Variants in ENOX2 observed in about 807,000 individuals in gnomAD.
ENOX2 encodes the protein APK1 antigen.
Under a neutral mutation model 45.0 loss-of-function variants are expected in ENOX2, and 36 were observed. The observed-to-expected ratio is 0.80, with a 90% CI of 0.61 to 1.06. The LOEUF is 1.06. Among genes scored for constraint, ENOX2 ranks in the 50% least tolerant of loss-of-function variants. ENOX2 has a pLI of 0.00. For missense variants in ENOX2, 423 were observed against 462.5 expected (o/e 0.91, Z 0.78); for synonymous variants, 174 against 152.3 (o/e 1.14, Z -1.05).
intron 2 of ENOX2, among the ~76,000 whole-genome samples, chrX:130,822,648 G>A (rs1463397713): frequency 9.1e-6 from 1 of 110,245 alleles, no homozygotes; most frequent in Non-Finnish European, 1.9e-5. Flanking sequence ...GAGGGGGAAG[G>A]GATAGCATTA....
At chrX:130,900,073 TC>T in intron 2 of ENOX2, among the ~76,000 whole-genome samples, 1 of 112,099 alleles carries the variant, frequency 8.9e-6, no homozygotes, top group East Asian at 2.8e-4. Context: ...ACTGTATCCT[TC>T]CCACTGTCAT....
intron 3 of ENOX2, among the ~76,000 whole-genome samples, chrX:130,707,676 G>A (rs1339467674): frequency 2.7e-5 from 3 of 111,704 alleles, no homozygotes; most frequent in South Asian, 3.8e-4. Context: ...TCTTATGTCC[G>A]AGTGGATATC....
In ENOX2 at chrX:130,813,155, A is replaced by G. The variant is rs2077420644; in HGVS notation, c.-182-29465T>C. 5.4e-5 allele frequency among the ~76,000 whole-genome samples: 6 copies of G among 112,100 alleles called. No homozygotes were observed. The South Asian group carries it at 2.2e-3, about 42-fold the overall frequency. On this transcript the variant is annotated intron_variant, in intron 2 of 14. Coordinates refer to ENST00000394363, the MANE Select transcript of ENOX2 (RefSeq NM_006375.4). ...TGGTCCCAAGCATTTTAGATAAGGG[A>G]TACTCAACCTACACTGGCATAACAA...
At chrX:130,756,857 A>G (rs1295751164) in intron 3 of ENOX2, among the ~76,000 whole-genome samples, 1 of 112,020 alleles carries the variant, frequency 8.9e-6, no homozygotes, top group Non-Finnish European at 1.9e-5. Flanking sequence ...TAGTACAAAA[A>G]CTCTAACTTA....
chrX:130,770,058 C>G (rs1304480296), intron 3 of ENOX2, among the ~76,000 whole-genome samples: 1 of 111,850 alleles, frequency 8.9e-6, no homozygotes, highest in Non-Finnish European at 1.9e-5. Context: ...CGTGCCTAAG[C>G]TATCTGAATG....
chrX:130,798,171 T>G (rs2077163716), intron 2 of ENOX2, among the ~76,000 whole-genome samples: 1 of 111,722 alleles, frequency 9.0e-6, no homozygotes, highest in Non-Finnish European at 1.9e-5. Flanking sequence ...ATACCAGCAC[T>G]TTGGGAAGCC....
At chrX:130,742,677 C>G (rs2039012915) in intron 3 of ENOX2, among the ~76,000 whole-genome samples, 1 of 111,590 alleles carries the variant, frequency 9.0e-6, no homozygotes. Context: ...CCATTGAAAT[C>G]TTAAAGCCAA....
chrX:130,863,371 A>G (rs2078440551), intron 2 of ENOX2, among the ~76,000 whole-genome samples: 1 of 112,327 alleles, frequency 8.9e-6, no homozygotes, highest in African/African-American at 3.2e-5. Context: ...TGAAATGTAC[A>G]TACACACATA....
intron 3 of ENOX2, among the ~76,000 whole-genome samples, chrX:130,742,119 T>C (rs1456450886): frequency 9.0e-6 from 1 of 110,843 alleles, no homozygotes; most frequent in East Asian, 2.8e-4. Context: ...GACAGCTTGC[T>C]GAGCTTGCTG....
chrX:130,880,029 T>C lies in ENOX2; in HGVS notation c.-183+21655A>G, dbSNP rs887327358. Among the ~76,000 whole-genome samples the C allele has an allele frequency of 6.3e-5, 7 of 111,782 alleles. No individual in the cohort carries two copies. In the Admixed American group the frequency reaches 6.7e-4, roughly 11 times the overall value. On this transcript the variant is annotated intron_variant, in intron 2 of 14. Coordinates refer to ENST00000394363, the MANE Select transcript of ENOX2 (RefSeq NM_006375.4). ...CTCCAGGGTGGCCCTGAGAGGCACT[T>C]TGAAACACCCGTTTTGAACTCCTCT...
intron 3 of ENOX2, among the ~76,000 whole-genome samples, chrX:130,762,704 T>C (rs1205206607): frequency 8.9e-6 from 1 of 112,359 alleles, no homozygotes; most frequent in African/African-American, 3.2e-5. Context: ...TTTATTCCAT[T>C]GTGGTTGGAG....
intron 2 of ENOX2, among the ~76,000 whole-genome samples, chrX:130,849,786 C>T (rs1461578900): frequency 8.9e-6 from 1 of 111,973 alleles, no homozygotes; most frequent in East Asian, 2.8e-4. Flanking sequence ...GATGTTGGAC[C>T]TGTCAGCGGA....
chrX:130,828,163 G>A (rs909734175), intron 2 of ENOX2, among the ~76,000 whole-genome samples: 9 of 111,711 alleles, frequency 8.1e-5, no homozygotes, highest in African/African-American at 2.6e-4. Flanking sequence ...ATAGATATGA[G>A]CAAATATCTG....
chrX:130,631,599 G>T (rs755482512), intron 12 of ENOX2, 23 bp from the exon 13 acceptor site: 2 of 961,687 alleles, frequency 2.1e-6, no homozygotes, highest in Non-Finnish European at 3.0e-6. Context: ...CATGCTTCTA[G>T]GTCAGTTCAC....
chrX:130,832,424 CACACACACACACACAT>C (rs1429330885), intron 2 of ENOX2, among the ~76,000 whole-genome samples: 1 of 88,029 alleles, frequency 1.1e-5, no homozygotes, highest in Non-Finnish European at 2.1e-5. Context: ...CCCTTACACA[CACACACACACACACAT>C]ACACACACAC....
chrX:130,821,741 T>TAAAAAAAA (rs1569505783), intron 2 of ENOX2, among the ~76,000 whole-genome samples: 11 of 24,191 alleles, frequency 4.5e-4, no homozygotes, highest in Non-Finnish European at 6.9e-4. Flanking sequence ...AATAAATAAA[T>TAAAAAAAA]TAAAAAAAAA....
chrX:130,752,621 GCCTC>G (rs2148336427), intron 3 of ENOX2, among the ~76,000 whole-genome samples: 1 of 110,275 alleles, frequency 9.1e-6, no homozygotes, highest in Non-Finnish European at 1.9e-5. Flanking sequence ...GTTTCTTTTT[GCCTC>G]TTTCTGTTTC....
chrX:130,825,464 A>C (rs896983574), intron 2 of ENOX2, among the ~76,000 whole-genome samples: 4 of 111,470 alleles, frequency 3.6e-5, no homozygotes, highest in African/African-American at 1.3e-4. Context: ...TGTATTCTTA[A>C]GTGGCTGGAA....
At chrX:130,703,020 G>A in intron 4 of ENOX2, 100 bp downstream of exon 4, 1 of 903,087 alleles carries the variant, frequency 1.1e-6, no homozygotes, top group South Asian at 2.5e-5. Flanking sequence ...GGCAGAATCT[G>A]GTAAATGTCA....
Sources: allele counts gnomAD v4.1 joint callset (sites outside exome capture counted in the v4.1 genomes callset), GRCh38; gene constraint gnomAD v4.1.1; transcripts MANE v1.5; gene names NCBI Gene and HGNC (gene_info 2026-07-23, HGNC 2026-07-21).